DOCK10: variants seen among roughly 807,000 people sequenced by gnomAD.
DOCK10 encodes the protein dedicator of cytokinesis 10.
A neutral mutation model predicts 280.1 loss-of-function variants in DOCK10; 145 were observed. The ratio of observed to expected loss-of-function variants is 0.52; its 90% CI spans 0.45 to 0.59. The LOEUF is 0.59. Among genes scored for constraint, DOCK10 ranks in the 20% least tolerant of loss-of-function variants. The probability of loss-of-function intolerance (pLI) is 0.00; values close to 1 mark genes in which losing one functional copy is unlikely to be tolerated. For missense variants in DOCK10, 2,368 were observed against 2,651.7 expected, an observed-to-expected ratio of 0.89 and a Z score of 2.35; for synonymous variants, 915 against 942.2, an observed-to-expected ratio of 0.97 and a Z score of 0.53.
intron 1 of DOCK10, among the ~76,000 whole-genome samples, chr2:225,040,662 A>C (rs1388706377): frequency 1.3e-5 from 2 of 152,108 alleles, no homozygotes; most frequent in Admixed American, 6.6e-5. Context: ...ATTCCAATTG[A>C]ACGCTGTGTG....
intron 33 of DOCK10, among the ~76,000 whole-genome samples, chr2:224,806,852 C>A (rs1693427214): frequency 6.6e-6 from 1 of 152,120 alleles, no homozygotes; most frequent in Non-Finnish European, 1.5e-5. Flanking sequence ...TCAAGGGATC[C>A]TCCCATCTTG....
At chr2:224,850,052 C>T (rs1280616203) in intron 18 of DOCK10, among the ~76,000 whole-genome samples, 1 of 152,142 alleles carries the variant, frequency 6.6e-6, no homozygotes. Flanking sequence ...TAGGTTTCTC[C>T]TAGGACCTCA....
At chr2:224,909,350 C>A (rs141249532) in intron 3 of DOCK10, among the ~76,000 whole-genome samples, 2 of 152,262 alleles carry the variant, frequency 1.3e-5, no homozygotes, top group African/African-American at 4.8e-5. Context: ...CAGATAAAGA[C>A]AATGCTCTCC....
chr2:224,845,747 T>C (rs1240772068), intron 19 of DOCK10, 105 bp from the exon 20 acceptor site: 15 of 1,089,142 alleles, frequency 1.4e-5, no homozygotes, highest in Non-Finnish European at 2.0e-5. Flanking sequence ...TTTTTGAGAC[T>C]GCGTCTTACT....
intron 47 of DOCK10, among the ~76,000 whole-genome samples, chr2:224,792,198 C>T (rs972780352): frequency 6.6e-6 from 1 of 152,120 alleles, no homozygotes; most frequent in Admixed American, 6.5e-5. Context: ...TATAAATTGT[C>T]AGTTTATACT....
Position 224,808,064 on chromosome 2 carries a change from T to G in DOCK10, c.3432A>C (p.Thr1144=). The change falls in exon 32 of 56, where the codon ACA becomes ACC. Residue 1144 remains threonine (T), a synonymous_variant. Transcript: ENST00000258390. The part of the protein sequence containing the change: ...HASDMPEYSV[T]NEFCRKHFLI... ...AGAAGTGTTTGCGACAAAATTCATT[T>G]GTGACTGAATATTCAGGCATATCTT... The G allele has an allele frequency of 1.2e-6, 2 of 1,612,120 alleles. No individual in the cohort carries two copies. The highest frequency in any genetic ancestry group is 1.7e-6 in the Non-Finnish European group (2 of 1,178,996).
chr2:224,945,784 G>C (rs1231984059), intron 1 of DOCK10, among the ~76,000 whole-genome samples: 5 of 151,678 alleles, frequency 3.3e-5, no homozygotes, highest in Non-Finnish European at 5.9e-5. Context: ...TTTTCATATG[G>C]GTGATCAGTG....
rs1194908724 is a variant in DOCK10, at chr2:224,974,164, T to G, written c.124-42496A>C. Among the ~76,000 whole-genome samples the G allele has an allele frequency of 3.3e-5, 5 of 152,210 alleles. No homozygotes were observed. In the East Asian group the frequency reaches 7.7e-4, roughly 23 times the overall value. ...GTAAGTGCAGGGCAGCAGCAGTCTA[T>G]TGTCATCTGTGCCTACCAAATGCAA... On this transcript the variant is annotated intron_variant, in intron 1 of 55. Coordinates refer to ENST00000258390, the MANE Select transcript of DOCK10 (RefSeq NM_014689.3).
chr2:224,911,878 G>A lies in DOCK10; in HGVS notation c.333+4817C>T, dbSNP rs117755620. ...TTAAAAACAACTGATAATGGACTAT[G>A]TTTGCTGAATGTAATTGACTTCTAT... On this transcript the variant is annotated intron_variant, in intron 3 of 55. Coordinates refer to ENST00000258390, the MANE Select transcript of DOCK10 (RefSeq NM_014689.3). 6.4e-4 allele frequency among the ~76,000 whole-genome samples: 98 copies of A among 152,338 alleles called. 1 individual carries two copies. The East Asian group carries it at 0.017, about 26-fold the overall frequency.
chr2:224,874,150 G>C lies in DOCK10; in HGVS notation c.1103C>G (p.Thr368Ser). 1.9e-6 allele frequency: 3 copies of C among 1,584,938 alleles called. No individual in the cohort carries two copies. The highest frequency in any genetic ancestry group is 2.6e-6 in the Non-Finnish European group (3 of 1,166,312). Residue 368 changes from threonine to serine, a missense_variant and splice_region_variant, in exon 11 of 56, where the codon ACC (threonine) becomes AGC (serine). Physicochemically the swap from Thr to Ser is moderately conservative, Grantham distance 58. This residue lies in a region of DOCK10 where 1,209 missense variants were observed against 1,250.9 expected (regional missense o/e 0.97). Transcript: ENST00000258390. ...GAGATCTTTTTTTTGAAGTTTCAAG[G>C]TCTAAAAAAGTTTTGAATGAGTCAC... is the stretch of plus-strand genomic sequence containing the variant. ...NLFSLDPDID[T>S]LKLQKKDLLE... is the part of the protein sequence containing the mutation.
At chr2:225,024,134 G>A (rs981757334) in intron 1 of DOCK10, among the ~76,000 whole-genome samples, 3 of 152,052 alleles carry the variant, frequency 2.0e-5, no homozygotes, top group South Asian at 2.1e-4. Flanking sequence ...AACATTTCGA[G>A]GTCAAGAAAG....
intron 1 of DOCK10, among the ~76,000 whole-genome samples, chr2:225,041,957 G>T (rs1690441153): frequency 6.6e-6 from 1 of 152,100 alleles, no homozygotes; most frequent in African/African-American, 2.4e-5. Context: ...CGGCCCCCTC[G>T]CGCCCCATTA....
At chr2:224,844,575 TTCTA>T (rs757342420) in intron 22 of DOCK10, among the ~76,000 whole-genome samples, 174 bp downstream of exon 22, 4 of 152,210 alleles carry the variant, frequency 2.6e-5, no homozygotes, top group Non-Finnish European at 5.9e-5. Flanking sequence ...GATTAGGACA[TTCTA>T]TCTGTCTTGA....
chr2:225,014,417 G>A (rs1689535941), intron 1 of DOCK10, among the ~76,000 whole-genome samples: 1 of 151,858 alleles, frequency 6.6e-6, no homozygotes, highest in African/African-American at 2.4e-5. Flanking sequence ...AATAAAAGGT[G>A]CTATAATATA....
intron 3 of DOCK10, among the ~76,000 whole-genome samples, chr2:224,908,671 G>GC (rs1700823578): frequency 6.6e-6 from 1 of 151,658 alleles, no homozygotes; most frequent in African/African-American, 2.4e-5. Flanking sequence ...TAATTAAAAA[G>GC]TTTTTTTTAG....
Position 224,979,034 on chromosome 2 carries a change from T to C in DOCK10, c.124-47366A>G, listed in dbSNP as rs575148341. 8.6e-4 allele frequency among the ~76,000 whole-genome samples: 131 copies of C among 152,310 alleles called. 2 individuals are homozygous for C. Among genetic ancestry groups the C allele is most frequent in the African/African-American group, 3.0e-3 (125 of 41,576 alleles). On this transcript the variant is annotated intron_variant, in intron 1 of 55. Transcript: ENST00000258390. ...AATCTATCCAGAATCTGACTACTTT[T>C]CACAGCCTCAACAACTACCATCCAG...
intron 2 of DOCK10, among the ~76,000 whole-genome samples, chr2:224,920,447 A>T (rs1246244709): frequency 2.0e-5 from 3 of 152,108 alleles, no homozygotes; most frequent in African/African-American, 7.2e-5. Context: ...ACTCTGTTAG[A>T]AGATAAATAG....
chr2:224,903,533 G>A (rs966847132), intron 3 of DOCK10, among the ~76,000 whole-genome samples: 6 of 152,102 alleles, frequency 3.9e-5, no homozygotes, highest in Non-Finnish European at 7.3e-5. Context: ...TAGACTTTTT[G>A]ACCTGGGAAC....
intron 1 of DOCK10, among the ~76,000 whole-genome samples, chr2:224,987,681 G>C (rs1706009428): frequency 6.6e-6 from 1 of 152,186 alleles, no homozygotes; most frequent in South Asian, 2.1e-4. Context: ...AAGTGAAGGA[G>C]AGGATTCAAA....
Sources: gnomAD v4.1 joint callset for allele counts (sites outside exome capture counted in the v4.1 genomes callset) on GRCh38, gnomAD v4.1.1 for gene constraint, gnomAD v4.1.1 regional missense constraint, MANE v1.5 for transcripts, NCBI Gene and HGNC (gene_info 2026-07-23, HGNC 2026-07-21) for gene names.